Variants in CFAP251 observed in about 807,000 individuals in gnomAD.
CFAP251 encodes cilia- and flagella-associated protein 251.
CFAP251 carries 93 observed loss-of-function variants against 126.7 expected under a neutral mutation model. The observed-to-expected ratio is 0.73, with a 90% CI of 0.62 to 0.87. The LOEUF (loss-of-function observed/expected upper bound fraction) is 0.87. CFAP251 is among the 40% of genes least tolerant of loss of function. The pLI is 0.00. For missense variants in CFAP251, 1,287 were observed against 1,389.2 expected, an observed-to-expected ratio of 0.93 and a Z score of 1.17; for synonymous variants, 503 against 506.9, an observed-to-expected ratio of 0.99 and a Z score of 0.10.
In CFAP251 at chr12:121,967,992, G is replaced by A. The variant is rs772388113; in HGVS notation, c.2608-14G>A. On this transcript the variant is annotated splice_polypyrimidine_tract_variant and intron_variant, in intron 16 of 21. Transcript: ENST00000288912. ...TACCTGAGTCTGAATATCCAATTATGTGTTCCTTTCTAGGTGGGACTTCAG... is the reference window on the plus strand; with the variant it reads ...TACCTGAGTCTGAATATCCAATTATATGTTCCTTTCTAGGTGGGACTTCAG... 5 of 1,589,560 alleles carry A rather than the reference G, an allele frequency of 3.1e-6. No individual in the cohort carries two copies. Among genetic ancestry groups the A allele is most frequent in the South Asian group, 2.2e-5 (2 of 90,030 alleles).
At chr12:121,990,828 C>T (rs1308089135) in intron 19 of CFAP251, among the ~76,000 whole-genome samples, 2 of 152,232 alleles carry the variant, frequency 1.3e-5, no homozygotes, top group Non-Finnish European at 2.9e-5. Context: ...CCCAGGCAGC[C>T]AGGGCTGAGG....
At chr12:121,940,723 A>G (rs188354692) in intron 5 of CFAP251, among the ~76,000 whole-genome samples, 37 of 152,262 alleles carry the variant, frequency 2.4e-4, no homozygotes, top group Admixed American at 8.5e-4. Flanking sequence ...AATTCTGGGT[A>G]TTTCAAGGCT....
chr12:121,967,178 C>T, intron 16 of CFAP251, 109 bp downstream of exon 16: 1 of 956,970 alleles, frequency 1.0e-6, no homozygotes, highest in Non-Finnish European at 1.6e-6. Context: ...CAGCCAAGCC[C>T]AACTGCTTCC....
In CFAP251 at chr12:121,921,620, G is replaced by A. The variant is rs370712951; in HGVS notation, c.315G>A (p.Ala105=). 180 of 1,613,828 alleles carry A rather than the reference G, an allele frequency of 1.1e-4. No homozygotes were observed. Among genetic ancestry groups the A allele is most frequent in the Admixed American group, 2.2e-4 (13 of 59,920 alleles). ...CAGTAGAGCCCCAAGAAGTCACAGC[G>A]TCCATGATCCGTTTGGAGACACAGA... The part of the protein sequence containing the change: ...ETTVEPQEVT[A]SMIRLETQIT... The change falls in exon 2 of 22, where the codon GCG becomes GCA. Residue 105 remains alanine (A), a synonymous_variant. Coordinates refer to ENST00000288912, the MANE Select transcript of CFAP251 (RefSeq NM_144668.6).
rs905984314 is a variant in CFAP251 at position 121,960,232 on chromosome 12, A to AT, written c.2134-342dup. On this transcript the variant is annotated intron_variant, in intron 13 of 21. Coordinates refer to ENST00000288912, the MANE Select transcript of CFAP251 (RefSeq NM_144668.6). Reference sequence around the variant, plus strand: ...TATTTTTGAAAAAAATATTCTTAGTATTTTTTTTTTTGATAGGGTCCTGCT... The same window carrying AT: ...TATTTTTGAAAAAAATATTCTTAGTATTTTTTTTTTTTGATAGGGTCCTGCT... Among the ~76,000 whole-genome samples the AT allele has an allele frequency of 2.6e-4, 39 of 149,476 alleles. 1 individual carries two copies. The highest frequency in any genetic ancestry group is 2.0e-3 in the East Asian group (10 of 5,108).
chr12:121,986,408 C>T (rs1882748082), intron 19 of CFAP251, among the ~76,000 whole-genome samples: 1 of 151,778 alleles, frequency 6.6e-6, no homozygotes, highest in Admixed American at 6.6e-5. Flanking sequence ...CACCATTCTC[C>T]TGCCTCAGCC....
At chr12:122,000,559 AAAG>A (rs928349425) in intron 20 of CFAP251, among the ~76,000 whole-genome samples, 6 of 151,904 alleles carry the variant, frequency 3.9e-5, no homozygotes, top group Admixed American at 6.6e-5. Flanking sequence ...AAAAAAAAAA[AAAG>A]AAAGAAAAAA....
intron 21 of CFAP251, among the ~76,000 whole-genome samples, chr12:122,002,357 A>AAATT (rs889450943): frequency 2.0e-5 from 3 of 152,158 alleles, no homozygotes; most frequent in South Asian, 2.1e-4. Context: ...CTCCGTCTCT[A>AAATT]AATTAATTAA....
intron 5 of CFAP251, among the ~76,000 whole-genome samples, chr12:121,940,745 A>T (rs1024292944): frequency 6.6e-6 from 1 of 152,202 alleles, no homozygotes; most frequent in Non-Finnish European, 1.5e-5. Context: ...TGTTGGAATC[A>T]TACAGCTCTA....
At chr12:121,962,350 G>T (rs1367109910) in intron 15 of CFAP251, among the ~76,000 whole-genome samples, 188 bp downstream of exon 15, 1 of 152,164 alleles carries the variant, frequency 6.6e-6, no homozygotes, top group African/African-American at 2.4e-5. Context: ...GGCCCTGTGT[G>T]GAGGTGAGAT....
intron 10 of CFAP251, among the ~76,000 whole-genome samples, chr12:121,954,827 T>C (rs1222400749): frequency 1.3e-5 from 2 of 152,014 alleles, no homozygotes; most frequent in African/African-American, 2.4e-5. Context: ...TTTATACTAA[T>C]TGGATTTTTA....
At chr12:121,957,359 C>T (rs999540324) in intron 11 of CFAP251, 91 bp downstream of exon 11, 4 of 1,263,580 alleles carry the variant, frequency 3.2e-6, no homozygotes, top group African/African-American at 3.0e-5. Flanking sequence ...CGTGTTGTTC[C>T]TGGGATATCT....
intron 5 of CFAP251, among the ~76,000 whole-genome samples, chr12:121,941,106 C>T (rs1881095281): frequency 6.6e-6 from 1 of 151,998 alleles, no homozygotes. Flanking sequence ...TCTTGGCTCA[C>T]TGCAAACTCC....
At chr12:121,920,138 C>T (rs1425753944) in intron 1 of CFAP251, among the ~76,000 whole-genome samples, 7 of 146,790 alleles carry the variant, frequency 4.8e-5, no homozygotes, top group Admixed American at 2.0e-4. Context: ...GAGCCAAGAT[C>T]GTGCCACTGC....
rs774840347 is a variant in CFAP251, at chr12:121,954,306, G to A, written c.1507G>A (p.Gly503Ser). ...TAAATTGGTTCATTTGCAGAAAGAG[G>A]GTATCACGGTACTTACCACAATTGA... ...PCKLVHLQKEGITVLTTIDSY... is the reference protein window; with the variant it reads ...PCKLVHLQKESITVLTTIDSY... The change falls in exon 10 of 22, where the codon GGT becomes AGT. Residue 503 changes from glycine (G) to serine (S), a missense_variant. Gly to Ser is a moderately conservative substitution (Grantham distance 56, BLOSUM62 0). Coordinates refer to ENST00000288912, the MANE Select transcript of CFAP251 (RefSeq NM_144668.6). The A allele has an allele frequency of 7.4e-6, 12 of 1,613,438 alleles. No individual in the cohort carries two copies. The African/African-American group carries it at 1.6e-4, about 22-fold the overall frequency.
At chr12:121,950,198 A>G (rs369661759) in intron 8 of CFAP251, 2 of 152,236 alleles carry the variant, frequency 1.3e-5, no homozygotes, top group African/African-American at 4.8e-5. Context: ...GTATGATGCT[A>G]AATGAAAGAC....
intron 13 of CFAP251, 142 bp from the exon 14 acceptor site, chr12:121,960,443 C>G: frequency 1.3e-6 from 1 of 790,468 alleles, no homozygotes; most frequent in South Asian, 1.7e-5. Context: ...GTCTCAAACT[C>G]CCGACCTCAG....
chr12:121,989,133 A>G lies in CFAP251; in HGVS notation c.3007-10583A>G, dbSNP rs951696535. On this transcript the variant is annotated intron_variant, in intron 19 of 21. Coordinates refer to ENST00000288912, the MANE Select transcript of CFAP251 (RefSeq NM_144668.6). This position sits in a 1 kb window ranked among gnomAD's most constrained non-coding sequence, Gnocchi z 4.2. Reference sequence around the variant, plus strand: ...AGAGCTGTGGACACAGAATTAGCAAATCCTTGATTGTGGGTTTGGTACAAG... The same window carrying G: ...AGAGCTGTGGACACAGAATTAGCAAGTCCTTGATTGTGGGTTTGGTACAAG... Among the ~76,000 whole-genome samples, 5 of 152,132 alleles carry G rather than the reference A, an allele frequency of 3.3e-5. No individual in the cohort carries two copies. The highest frequency in any genetic ancestry group is 3.3e-4 in the Admixed American group (5 of 15,280).
At chr12:121,968,970 T>G (rs1882244104) in intron 17 of CFAP251, 1 of 985,286 alleles carries the variant, frequency 1.0e-6, no homozygotes, top group Non-Finnish European at 1.2e-6. Context: ...AAATCCGGCA[T>G]GCTGCCGCAG....
Sources: gnomAD v4.1 joint callset for allele counts (sites outside exome capture counted in the v4.1 genomes callset) on GRCh38, gnomAD v4.1.1 for gene constraint, Gnocchi (gnomAD v3.1) non-coding constraint, MANE v1.5 for transcripts, NCBI Gene and HGNC (gene_info 2026-07-23, HGNC 2026-07-21) for gene names.